Variants in RNGTT observed in about 807,000 individuals in gnomAD.
RNGTT encodes RNA guanylyltransferase and 5'-phosphatase.
In RNGTT, 33 loss-of-function variants were observed where a neutral mutation model predicts 79.3. The ratio of observed to expected loss-of-function variants is 0.42; its 90% CI spans 0.32 to 0.56. RNGTT has a LOEUF of 0.56. Among genes scored for constraint, RNGTT ranks in the 20% least tolerant of loss-of-function variants. The pLI is 0.17. For missense variants in RNGTT, 497 were observed against 739.1 expected (o/e 0.67, Z 3.80); for synonymous variants, 222 against 235.9 (o/e 0.94, Z 0.54).
At chr6:88,686,528 C>G (rs1007308614) in intron 13 of RNGTT, among the ~76,000 whole-genome samples, 6 of 151,994 alleles carry the variant, frequency 3.9e-5, no homozygotes, top group African/African-American at 1.4e-4. Context: ...AAGACTTCTT[C>G]TCATGAAGCT....
intron 2 of RNGTT, among the ~76,000 whole-genome samples, chr6:88,934,993 G>A (rs1784622063): frequency 6.6e-6 from 1 of 152,148 alleles, no homozygotes; most frequent in African/African-American, 2.4e-5. Flanking sequence ...CCATAAAATT[G>A]TTACTGAACC....
intron 8 of RNGTT, among the ~76,000 whole-genome samples, chr6:88,890,093 A>G (rs934982622): frequency 1.3e-5 from 2 of 152,246 alleles, no homozygotes; most frequent in African/African-American, 2.4e-5. Flanking sequence ...TCAAAGGAGA[A>G]TACAGAATGA....
intron 1 of RNGTT, among the ~76,000 whole-genome samples, chr6:88,946,843 G>A (rs1257594589): frequency 4.2e-5 from 6 of 141,734 alleles, no homozygotes; most frequent in South Asian, 4.8e-4. Flanking sequence ...ATGGGGTTTC[G>A]CTGTGTTGGC....
intron 11 of RNGTT, among the ~76,000 whole-genome samples, chr6:88,804,314 T>G (rs1457300188): frequency 6.6e-6 from 1 of 152,154 alleles, no homozygotes; most frequent in Non-Finnish European, 1.5e-5. Context: ...TTTCTGCAAG[T>G]TCCTAAATAT....
At chr6:88,805,442 C>T (rs1196599362) in intron 11 of RNGTT, among the ~76,000 whole-genome samples, 1 of 152,180 alleles carries the variant, frequency 6.6e-6, no homozygotes, top group Non-Finnish European at 1.5e-5. Context: ...TGGGCACAGA[C>T]GTTAAAACCC....
At chr6:88,751,858 A>T (rs1777851263) in intron 13 of RNGTT, among the ~76,000 whole-genome samples, 1 of 152,120 alleles carries the variant, frequency 6.6e-6, no homozygotes, top group Non-Finnish European at 1.5e-5. Context: ...ATAAAATCAA[A>T]ATCAACCACT....
intron 13 of RNGTT, among the ~76,000 whole-genome samples, chr6:88,726,141 C>T (rs912251685): frequency 2.6e-5 from 4 of 152,126 alleles, no homozygotes; most frequent in Non-Finnish European, 4.4e-5. Context: ...AAGGTCTTCT[C>T]TATGACCCTG....
chr6:88,690,538 G>A (rs973889146), intron 13 of RNGTT, among the ~76,000 whole-genome samples: 1 of 151,906 alleles, frequency 6.6e-6, no homozygotes, highest in Non-Finnish European at 1.5e-5. Flanking sequence ...AAGACCTTAT[G>A]TCTACAATGA....
chr6:88,784,929 C>A lies in RNGTT; in HGVS notation c.1339-15055G>T, dbSNP rs190395856. Among the ~76,000 whole-genome samples the A allele has an allele frequency of 1.8e-3, 275 of 152,054 alleles. 3 individuals are homozygous for A. Among genetic ancestry groups the A allele is most frequent in the African/African-American group, 6.5e-3 (268 of 41,492 alleles). On this transcript the variant is annotated intron_variant, in intron 12 of 15. Transcript: ENST00000369485. ...GAATGTATTCACACATTTGTATTTG[C>A]TTCTATATATATAAAGAAACTGGGA...
chr6:88,837,070 T>TAAA (rs768613262), intron 11 of RNGTT, among the ~76,000 whole-genome samples: 24 of 152,142 alleles, frequency 1.6e-4, no homozygotes, highest in Non-Finnish European at 2.6e-4. Context: ...CTCAAAAACC[T>TAAA]AAAAAAGCAG....
chr6:88,883,716 C>T (rs896224014), intron 8 of RNGTT, among the ~76,000 whole-genome samples: 2 of 151,882 alleles, frequency 1.3e-5, no homozygotes, highest in African/African-American at 4.8e-5. Context: ...GAGAATTCTT[C>T]TTCAATCTCA....
rs117578661 is a variant in RNGTT, at chr6:88,933,795, A to G, written c.175-4528T>C. 5.4e-3 allele frequency among the ~76,000 whole-genome samples: 821 copies of G among 152,180 alleles called. 22 individuals are homozygous for G. The highest frequency in any genetic ancestry group is 0.047 in the East Asian group (242 of 5,182). Reference sequence around the variant, plus strand: ...GTATTCCATTGTGTATATATGCCACATTTTCTTTATCCATTCATCCACCCT... The same window carrying G: ...GTATTCCATTGTGTATATATGCCACGTTTTCTTTATCCATTCATCCACCCT... On this transcript the variant is annotated intron_variant, in intron 2 of 15. Coordinates refer to ENST00000369485, the MANE Select transcript of RNGTT (RefSeq NM_003800.5).
At chr6:88,755,959 C>CAAAAAAAA (rs1157096180) in intron 13 of RNGTT, among the ~76,000 whole-genome samples, 2 of 30,522 alleles carry the variant, frequency 6.6e-5, no homozygotes, top group African/African-American at 1.0e-4. Context: ...GACTCCGTCT[C>CAAAAAAAA]AAAAAAAAAA....
chr6:88,646,921 C>T (rs1773586124), intron 14 of RNGTT, among the ~76,000 whole-genome samples: 1 of 151,944 alleles, frequency 6.6e-6, no homozygotes, highest in African/African-American at 2.4e-5. Flanking sequence ...GCAGATATAC[C>T]TAATGTAAAT....
chr6:88,717,118 T>A (rs998222827), intron 13 of RNGTT, among the ~76,000 whole-genome samples: 2 of 152,184 alleles, frequency 1.3e-5, no homozygotes, highest in Non-Finnish European at 2.9e-5. Flanking sequence ...ACAAAGGAGC[T>A]ATAGTGTAGT....
At chr6:88,785,632 C>A (rs1160781651) in intron 12 of RNGTT, among the ~76,000 whole-genome samples, 1 of 151,984 alleles carries the variant, frequency 6.6e-6, no homozygotes, top group East Asian at 1.9e-4. Flanking sequence ...AAAACAGAGC[C>A]CTTCTTCAAA....
chr6:88,664,827 T>C (rs142740261), intron 14 of RNGTT, among the ~76,000 whole-genome samples: 49 of 152,276 alleles, frequency 3.2e-4, no homozygotes, highest in African/African-American at 1.1e-3. Context: ...AGAATGACAG[T>C]TGGGGGCAAG....
chr6:88,645,086 T>C (rs1317769381), intron 14 of RNGTT, among the ~76,000 whole-genome samples: 13 of 152,324 alleles, frequency 8.5e-5, no homozygotes, highest in East Asian at 1.9e-4. Flanking sequence ...GATGACATGA[T>C]TGTATATCTA....
At chr6:88,870,343 T>C (rs1245480185) in intron 8 of RNGTT, among the ~76,000 whole-genome samples, 1 of 152,104 alleles carries the variant, frequency 6.6e-6, no homozygotes, top group Non-Finnish European at 1.5e-5. Flanking sequence ...TTCCCCAAAA[T>C]ATATCATTAG....
Sources: allele counts gnomAD v4.1 joint callset (sites outside exome capture counted in the v4.1 genomes callset), GRCh38; gene constraint gnomAD v4.1.1; transcripts MANE v1.5; gene names NCBI Gene and HGNC (gene_info 2026-07-23, HGNC 2026-07-21).